The following DNAH6 variants were observed in gnomAD, a reference collection of about 807,000 sequenced individuals.
DNAH6 encodes axonemal beta dynein heavy chain 6.
In DNAH6, 340 loss-of-function variants were observed where a neutral mutation model predicts 491.4. The ratio of observed to expected loss-of-function variants is 0.69; its 90% CI spans 0.63 to 0.76. The LOEUF (loss-of-function observed/expected upper bound fraction) is 0.76. DNAH6 is among the 30% of genes least tolerant of loss of function. DNAH6 has a pLI of 0.00. For synonymous variants in DNAH6, 1,603 were observed against 1,686.1 expected, an observed-to-expected ratio of 0.95 and a Z score of 1.21; for missense variants, 4,443 against 4,972.2, an observed-to-expected ratio of 0.89 and a Z score of 3.20.
At chr2:84,594,701 C>T (rs1161177506) in intron 17 of DNAH6, among the ~76,000 whole-genome samples, 1 of 152,144 alleles carries the variant, frequency 6.6e-6, no homozygotes, top group Non-Finnish European at 1.5e-5. Context: ...CTATCAACCT[C>T]ACAAATATTG....
At chr2:84,699,537 T>C in intron 47 of DNAH6, 57 bp from the exon 48 acceptor site, 1 of 1,467,762 alleles carries the variant, frequency 6.8e-7, no homozygotes, top group Non-Finnish European at 9.2e-7. Flanking sequence ...CCAACACTTA[T>C]TTTCATTGTT....
the DNAH6 span, among the ~76,000 whole-genome samples, chr2:84,509,714 G>A: frequency 0.84 from 127,625 of 152,154 alleles, 55,266 homozygotes; most frequent in East Asian, 0.99. Context: ...GGCTGGTACC[G>A]GTTGTTCCTT....
At position 84,653,617 on chromosome 2, in the gene DNAH6, C is replaced by A; in HGVS notation, c.5377C>A (p.Pro1793Thr). The part of the protein sequence containing the change: ...YQAVKTYVLN[P>T]KSITMGELYG... ...AGCAGTTAAAACATATGTTCTCAAC[C>A]CTAAATCAATTACCATGGGTGAATT... Residue 1793 changes from proline (P) to threonine (T), a missense_variant, in exon 34 of 77, where the codon CCT becomes ACT. Coordinates refer to ENST00000389394, the MANE Select transcript of DNAH6 (RefSeq NM_001370.2). 6.4e-7 allele frequency: 1 copy of A among 1,551,178 alleles called. No individual in the cohort carries two copies. Among genetic ancestry groups the A allele is most frequent in the Non-Finnish European group, 8.7e-7 (1 of 1,146,690 alleles).
chr2:84,491,075 A>G, the DNAH6 span, among the ~76,000 whole-genome samples: 1 of 152,228 alleles, frequency 6.6e-6, no homozygotes, highest in Non-Finnish European at 1.5e-5. Flanking sequence ...GCTATAAAAC[A>G]TCTGCAATAC....
Position 84,594,350 on chromosome 2 carries a change from T to C in DNAH6, c.2724+265T>C, listed in dbSNP as rs558275441. Among the ~76,000 whole-genome samples, 14 of 44,694 alleles carry C rather than the reference T, an allele frequency of 3.1e-4. No individual in the cohort carries two copies. The South Asian group carries it at 8.5e-3, about 27-fold the overall frequency. The allele number at this position is 44,694 out of a possible 152,430, so 29.3% of individuals were successfully genotyped here. A position where few individuals can be genotyped will look rare whatever the true frequency, so the allele number is the denominator to read the frequency against. ...AATGCTGTATGACGTTTAATCACTT[T>C]GTGGTTTCTAAACACAATGTTGTCA... On this transcript the variant is annotated intron_variant, in intron 17 of 76. Transcript: ENST00000389394.
chr2:84,701,441 A>G, intron 49 of DNAH6, 102 bp downstream of exon 49: 1 of 1,234,364 alleles, frequency 8.1e-7, no homozygotes, highest in Non-Finnish European at 1.1e-6. Flanking sequence ...AGGGCCCTGT[A>G]TTAGTCCATT....
intron 42 of DNAH6, among the ~76,000 whole-genome samples, chr2:84,683,405 C>T (rs1419019667): frequency 1.5e-5 from 2 of 131,008 alleles, no homozygotes; most frequent in Non-Finnish European, 3.1e-5. Context: ...TGTTCTACAC[C>T]ACTCTTATTT....
At chr2:84,536,405 A>G (rs765952576) in intron 4 of DNAH6, among the ~76,000 whole-genome samples, 1 of 152,100 alleles carries the variant, frequency 6.6e-6, no homozygotes, top group Non-Finnish European at 1.5e-5. Context: ...CAAAAATTCA[A>G]CTTGGGAAAC....
intron 57 of DNAH6, among the ~76,000 whole-genome samples, chr2:84,713,689 A>G (rs982370520): frequency 3.9e-5 from 6 of 152,228 alleles, no homozygotes; most frequent in Non-Finnish European, 8.8e-5. Flanking sequence ...TTGAGAGTCC[A>G]TGGGGCTGGG....
chr2:84,818,033 C>A (rs1335453924), intron 76 of DNAH6, among the ~76,000 whole-genome samples: 1 of 152,116 alleles, frequency 6.6e-6, no homozygotes, highest in Non-Finnish European at 1.5e-5. Flanking sequence ...ACTATAGAAG[C>A]CTGGCATAAA....
intron 32 of DNAH6, among the ~76,000 whole-genome samples, chr2:84,641,124 T>G (rs917987627): frequency 4.6e-5 from 7 of 152,124 alleles, no homozygotes; most frequent in African/African-American, 1.4e-4. Flanking sequence ...CAGACCCCAC[T>G]TTTCTCTTTA....
At chr2:84,516,216 C>T (rs1675577928), upstream of DNAH6, among the ~76,000 whole-genome samples, 1 of 152,146 alleles carries the variant, frequency 6.6e-6, no homozygotes. Context: ...TGTGAGTGGT[C>T]GATAAGCAAC....
chr2:84,796,288 A>T lies in DNAH6; in HGVS notation c.11240-18A>T. 6.9e-7 allele frequency: 1 copy of T among 1,445,274 alleles called. No homozygotes were observed. 89.5% of individuals were successfully genotyped at this position (1,445,274 alleles called of 1,614,324 possible). A position where few individuals can be genotyped will look rare whatever the true frequency, so the allele number is the denominator to read the frequency against. Reference sequence around the variant, plus strand: ...TTTTAAAAACAGCAATAATTTCAAAATACAAATTTCTTTTCAGGTGAAATT... The same window carrying T: ...TTTTAAAAACAGCAATAATTTCAAATTACAAATTTCTTTTCAGGTGAAATT... On this transcript the variant is annotated intron_variant, in intron 68 of 76. Transcript: ENST00000389394.
chr2:84,633,982 G>A (rs1688638090), intron 29 of DNAH6, among the ~76,000 whole-genome samples: 2 of 152,142 alleles, frequency 1.3e-5, no homozygotes, highest in African/African-American at 4.8e-5. Context: ...CAAAAGAAAT[G>A]CCACACTTTA....
chr2:84,716,403 T>C (rs970004114), intron 58 of DNAH6, among the ~76,000 whole-genome samples: 4 of 151,906 alleles, frequency 2.6e-5, no homozygotes, highest in Non-Finnish European at 5.9e-5. Context: ...TAGGAATACC[T>C]ATGTATGTAT....
intron 70 of DNAH6, among the ~76,000 whole-genome samples, chr2:84,800,006 G>T (rs1169372490): frequency 6.6e-6 from 1 of 152,184 alleles, no homozygotes; most frequent in Non-Finnish European, 1.5e-5. Flanking sequence ...CCCACTGAGG[G>T]CTATTGCAGC....
chr2:84,807,680 C>G (rs148148816), intron 71 of DNAH6, among the ~76,000 whole-genome samples: 3 of 152,138 alleles, frequency 2.0e-5, no homozygotes, highest in African/African-American at 7.2e-5. Flanking sequence ...GCCAGGCAAC[C>G]GCTTCATCCT....
At chr2:84,606,907 T>C (rs1427955613) in intron 20 of DNAH6, 69 bp from the exon 21 acceptor site, 2 of 1,474,360 alleles carry the variant, frequency 1.4e-6, no homozygotes, top group South Asian at 1.3e-5. Flanking sequence ...CTTGGGATTA[T>C]GTATCTGAAA....
intron 37 of DNAH6, among the ~76,000 whole-genome samples, chr2:84,667,383 A>C (rs1314975121): frequency 6.6e-6 from 1 of 152,230 alleles, no homozygotes; most frequent in African/African-American, 2.4e-5. Context: ...ATCTATAAAA[A>C]ACTTAAACAA....
Sources: allele counts gnomAD v4.1 joint callset (sites outside exome capture counted in the v4.1 genomes callset), GRCh38; gene constraint gnomAD v4.1.1; transcripts MANE v1.5; gene names NCBI Gene and HGNC (gene_info 2026-07-23, HGNC 2026-07-21).